GPHN: variants seen among roughly 807,000 people sequenced by gnomAD.
The protein encoded by GPHN is gephyrin.
Under a neutral mutation model 95.5 loss-of-function variants are expected in GPHN, and 17 were observed. The ratio of observed to expected loss-of-function variants is 0.18; its 90% CI spans 0.12 to 0.27. The LOEUF is 0.27. Ranked by LOEUF, GPHN falls within the 10% of genes least tolerant of loss-of-function variation. The pLI, the probability that GPHN is intolerant of heterozygous loss-of-function variation, is 1.00. For synonymous variants in GPHN, 320 were observed against 322.5 expected, an observed-to-expected ratio of 0.99 and a Z score of 0.08; for missense variants, 660 against 978.1, an observed-to-expected ratio of 0.67 and a Z score of 4.34.
chr14:66,991,511 G>C (rs1404714945), intron 9 of GPHN, among the ~76,000 whole-genome samples: 2 of 151,786 alleles, frequency 1.3e-5, no homozygotes, highest in East Asian at 3.9e-4. Flanking sequence ...CTGTAACCCA[G>C]CACTTTGGGA....
At chr14:67,505,637 G>C in the GPHN span, among the ~76,000 whole-genome samples, 1 of 152,240 alleles carries the variant, frequency 6.6e-6, no homozygotes, top group African/African-American at 2.4e-5. Context: ...TTAGCTGAAA[G>C]AGGCTAGAGG....
chr14:67,050,531 T>G (rs2075259682), intron 10 of GPHN, among the ~76,000 whole-genome samples: 1 of 152,062 alleles, frequency 6.6e-6, no homozygotes, highest in Non-Finnish European at 1.5e-5. Flanking sequence ...AGGCAAATAT[T>G]TAAATATCTA....
At chr14:67,352,939 A>G in the GPHN span, 1 of 1,608,558 alleles carries the variant, frequency 6.2e-7, no homozygotes, top group Non-Finnish European at 8.5e-7. Context: ...TATCTTCTTT[A>G]GGATCTGTCG....
the GPHN span, among the ~76,000 whole-genome samples, chr14:67,391,971 A>G: frequency 6.6e-6 from 1 of 152,182 alleles, no homozygotes. Flanking sequence ...CGCCCCAAGG[A>G]ACAGAAGGCC....
the GPHN span, among the ~76,000 whole-genome samples, chr14:67,496,345 G>A: frequency 9.9e-5 from 14 of 141,126 alleles, no homozygotes; most frequent in East Asian, 1.3e-3. Context: ...CACCCATCTT[G>A]GCCTCCCAAA....
At chr14:66,743,522 G>T (rs2072982666) in intron 2 of GPHN, among the ~76,000 whole-genome samples, 1 of 152,104 alleles carries the variant, frequency 6.6e-6, no homozygotes, top group East Asian at 1.9e-4. Flanking sequence ...GGATCACGAG[G>T]TGAGGAGATC....
At chr14:67,436,644 A>G in the GPHN span, among the ~76,000 whole-genome samples, 1 of 152,210 alleles carries the variant, frequency 6.6e-6, no homozygotes, top group Non-Finnish European at 1.5e-5. Flanking sequence ...TGCCACGCCC[A>G]GTCCTTCCAC....
intron 1 of GPHN, among the ~76,000 whole-genome samples, chr14:66,573,956 T>A (rs1401172668): frequency 6.6e-6 from 1 of 152,168 alleles, no homozygotes; most frequent in Non-Finnish European, 1.5e-5. Flanking sequence ...ATTTTTTTTT[T>A]AAATATCCAT....
chr14:67,640,431 G>A, the GPHN span, among the ~76,000 whole-genome samples: 20 of 152,182 alleles, frequency 1.3e-4, no homozygotes, highest in Admixed American at 1.3e-3. Flanking sequence ...TCTTGCGGTG[G>A]CAATTCCTTG....
intron 2 of GPHN, among the ~76,000 whole-genome samples, chr14:66,695,804 G>A (rs186992707): frequency 6.6e-6 from 1 of 152,184 alleles, no homozygotes; most frequent in South Asian, 2.1e-4. Flanking sequence ...TCTGGAAAAG[G>A]CAAAACTATG....
chr14:67,257,239 A>T, the GPHN span, among the ~76,000 whole-genome samples: 1 of 152,178 alleles, frequency 6.6e-6, no homozygotes, highest in African/African-American at 2.4e-5. Context: ...CATAAACCAT[A>T]GGGCAGAGGA....
rs1048463713 is a variant in GPHN at position 66,522,221 on chromosome 14, C to T, written c.64+13630C>T. The stretch of plus-strand genomic sequence containing the variant: ...AGACATTTTAGAATAGTAATACACA[C>T]ATAATTGAAATATTTTACCCATTTT... On this transcript the variant is annotated intron_variant, in intron 1 of 22. Transcript: ENST00000478722. Among the ~76,000 whole-genome samples the T allele has an allele frequency of 3.3e-5, 5 of 152,108 alleles. No individual in the cohort carries two copies. In the South Asian group the frequency reaches 1.0e-3, roughly 32 times the overall value.
intron 1 of GPHN, among the ~76,000 whole-genome samples, chr14:66,582,425 G>T (rs2061225335): frequency 6.6e-6 from 1 of 151,856 alleles, no homozygotes; most frequent in Non-Finnish European, 1.5e-5. Flanking sequence ...GGGTACATGT[G>T]CACAATGTGC....
At chr14:66,933,949 G>A (rs2066962118) in intron 8 of GPHN, among the ~76,000 whole-genome samples, 1 of 151,718 alleles carries the variant, frequency 6.6e-6, no homozygotes, top group African/African-American at 2.4e-5. Context: ...GACCAACCCG[G>A]GCAACATGGC....
the GPHN span, among the ~76,000 whole-genome samples, chr14:67,228,169 CAAAA>C: frequency 1.6e-5 from 1 of 64,134 alleles, no homozygotes; most frequent in Admixed American, 1.8e-4. Flanking sequence ...GACTTTGTCT[CAAAA>C]AAAAAAAAAA....
chr14:67,579,686 G>A, the GPHN span: 1 of 1,603,244 alleles, frequency 6.2e-7, no homozygotes, highest in Non-Finnish European at 8.5e-7. Flanking sequence ...CTCTCAGGAG[G>A]TTCACTCAGG....
the GPHN span, among the ~76,000 whole-genome samples, chr14:67,408,713 AGGCAGCAC>A: frequency 3.3e-5 from 5 of 152,218 alleles, no homozygotes; most frequent in Non-Finnish European, 7.3e-5. Flanking sequence ...CAAGTTTCAG[AGGCAGCAC>A]GGCCCTGGCA....
chr14:67,241,657 AGCGGGAGACCCCTGGCAGCCAG>A, the GPHN span: 1 of 152,306 alleles, frequency 6.6e-6, no homozygotes, highest in African/African-American at 2.4e-5. Flanking sequence ...AACTCCGGCC[AGCGGGAGACCCCTGGCAGCCAG>A]GCGGGCTTCC....
At chr14:67,168,903 A>T (rs1350614535) in intron 20 of GPHN, 30 bp from the exon 21 acceptor site, 2 of 1,344,236 alleles carry the variant, frequency 1.5e-6, no homozygotes, top group Non-Finnish European at 2.1e-6. Flanking sequence ...TACACAGTGT[A>T]TTATAAATAA....
Sources: allele counts gnomAD v4.1 joint callset (sites outside exome capture counted in the v4.1 genomes callset), GRCh38; gene constraint gnomAD v4.1.1; transcripts MANE v1.5; gene names NCBI Gene and HGNC (gene_info 2026-07-23, HGNC 2026-07-21).